The following GSE1 variants were observed in gnomAD, a reference collection of about 807,000 sequenced individuals.
GSE1 encodes the protein genetic suppressor element 1.
GSE1 carries 32 observed loss-of-function variants against 112.6 expected under a neutral mutation model. The observed-to-expected ratio is 0.28, with a 90% CI of 0.21 to 0.38. GSE1 has a LOEUF of 0.38. Ranked by LOEUF, GSE1 falls within the 10% of genes least tolerant of loss-of-function variation. The probability of loss-of-function intolerance (pLI) is 1.00; values close to 1 mark genes in which losing one functional copy is unlikely to be tolerated. For missense variants in GSE1, 2,348 were observed against 1,699.2 expected, an observed-to-expected ratio of 1.38 and a Z score of -6.71; for synonymous variants, 1,115 against 735.6, an observed-to-expected ratio of 1.52 and a Z score of -8.35.
chr16:85,179,691 G>C (rs965963195), intron 1 of GSE1, among the ~76,000 whole-genome samples: 2 of 152,140 alleles, frequency 1.3e-5, no homozygotes, highest in Non-Finnish European at 2.9e-5. Context: ...TCTTACTCCT[G>C]GTCTTCAGGC....
intron 2 of GSE1, among the ~76,000 whole-genome samples, chr16:85,524,812 C>G (rs1231586069): frequency 6.6e-6 from 1 of 152,092 alleles, no homozygotes; most frequent in African/African-American, 2.4e-5. Flanking sequence ...CATTTACACC[C>G]TAGGGAAACT....
rs779228291 is a variant in GSE1 at position 85,663,132 on chromosome 16, G to C, written c.2373+39G>C. On this transcript the variant is annotated intron_variant, in intron 10 of 15. Transcript: ENST00000253458. ...CTCCCCACGGACATGCTCTGGGCTG[G>C]GCTCTCGTTCCTAGCGTCCACACCC... 4.9e-6 allele frequency: 7 copies of C among 1,433,114 alleles called. No individual in the cohort carries two copies. The East Asian group carries it at 1.4e-4, about 28-fold the overall frequency. The allele number at this position is 1,433,114 out of a possible 1,614,324, so 88.8% of individuals were successfully genotyped here.
chr16:85,631,577 C>CCTGCCTGCTGGGACTGGCAT (rs556638248), intron 1 of GSE1, among the ~76,000 whole-genome samples: 8 of 152,370 alleles, frequency 5.3e-5, no homozygotes, highest in South Asian at 4.1e-4. Context: ...GGCTGGACCC[C>CCTGCCTGCTGGGACTGGCAT]CTGCCTGCTG....
chr16:85,370,614 TC>T (rs2047275792), intron 2 of GSE1, among the ~76,000 whole-genome samples: 1 of 4,904 alleles, frequency 2.0e-4, no homozygotes, highest in African/African-American at 3.4e-4. Flanking sequence ...CCTCCCTCCT[TC>T]TCTCCCTCCC....
intron 1 of GSE1, among the ~76,000 whole-genome samples, chr16:85,584,153 C>T (rs548611004): frequency 1.3e-5 from 2 of 150,704 alleles, no homozygotes; most frequent in Admixed American, 6.6e-5. Context: ...GCGTGCGTGC[C>T]GGTGCGTGGG....
chr16:85,511,913 T>C (rs1426453805), intron 2 of GSE1, among the ~76,000 whole-genome samples: 6 of 152,078 alleles, frequency 3.9e-5, no homozygotes, highest in African/African-American at 1.2e-4. Flanking sequence ...AGAGAAGCTA[T>C]TCTGTTGTTT....
chr16:85,274,691 C>T lies in GSE1; in HGVS notation c.2284-82772C>T, dbSNP rs375743562. On this transcript the variant is annotated intron_variant, in intron 1 of 2. Coordinates refer to the GSE1 transcript ENST00000637419. ...GCTAACAGGGCTTAGGTGCCTGTCC[C>T]CCTCTCGCCAGTGGGAGGAACCAAA... Among the ~76,000 whole-genome samples, 73 of 152,320 alleles carry T rather than the reference C, an allele frequency of 4.8e-4. 1 individual carries two copies. The highest frequency in any genetic ancestry group is 1.8e-3 in the African/African-American group (73 of 41,568).
intron 1 of GSE1, among the ~76,000 whole-genome samples, chr16:85,563,337 A>C (rs1325776367): frequency 6.6e-6 from 1 of 152,178 alleles, no homozygotes; most frequent in African/African-American, 2.4e-5. Flanking sequence ...TTGGGGTAAA[A>C]GGAAAAAAAA....
chr16:85,443,735 A>C (rs1179228676), intron 2 of GSE1, among the ~76,000 whole-genome samples: 1 of 152,174 alleles, frequency 6.6e-6, no homozygotes, highest in Non-Finnish European at 1.5e-5. Flanking sequence ...AGAGGGGCCT[A>C]GCGTTTGGCT....
intron 2 of GSE1, among the ~76,000 whole-genome samples, chr16:85,500,998 G>GTTTTTTTTTTTTTTTTTT (rs55650214): frequency 1.5e-5 from 1 of 64,826 alleles, no homozygotes. Context: ...GGCCTGTTCT[G>GTTTTTTTTTTTTTTTTTT]TTTTTTTTTT....
chr16:85,608,524 C>T (rs1184679773), upstream of GSE1, among the ~76,000 whole-genome samples: 1 of 152,098 alleles, frequency 6.6e-6, no homozygotes, highest in Admixed American at 6.5e-5. Flanking sequence ...CGCTTGAGAC[C>T]TGTCGTACCC....
intron 1 of GSE1, among the ~76,000 whole-genome samples, chr16:85,600,605 C>T (rs1567633577): frequency 6.6e-6 from 1 of 151,938 alleles, no homozygotes; most frequent in African/African-American, 2.4e-5. Context: ...CACACACACA[C>T]ACACACCCCA....
chr16:85,638,570 G>A (rs920550818), intron 2 of GSE1, among the ~76,000 whole-genome samples: 3 of 152,164 alleles, frequency 2.0e-5, no homozygotes, highest in African/African-American at 4.8e-5. Context: ...CTCATGAATC[G>A]TGGGGACTGG....
rs772211252 is a variant in GSE1, at chr16:85,656,435, G to A, written c.1082G>A (p.Arg361His). The change falls in exon 7 of 16, where the codon CGT becomes CAT. Residue 361 changes from arginine to histidine, a missense_variant. By Grantham distance (29) the Arg-to-His change is conservative. Transcript: ENST00000253458. Reference sequence around the variant, plus strand: ...GCTGACCGCGAGCGGGAGAAGGAACGTGAGCGCGAACGCGAGAAGGAGCGC... The same window carrying A: ...GCTGACCGCGAGCGGGAGAAGGAACATGAGCGCGAACGCGAGAAGGAGCGC... ...READREREKE[R>H]EREREKEREQ... 15 of 1,566,962 alleles carry A rather than the reference G, an allele frequency of 9.6e-6. No individual in the cohort carries two copies. The highest frequency in any genetic ancestry group is 9.2e-5 in the East Asian group (4 of 43,488).
chr16:85,271,170 C>T (rs562822316), intron 1 of GSE1, among the ~76,000 whole-genome samples: 1 of 152,092 alleles, frequency 6.6e-6, no homozygotes, highest in Non-Finnish European at 1.5e-5. Context: ...TATAAATATC[C>T]CAGATCCCTC....
chr16:85,547,422 C>T (rs566105160), intron 2 of GSE1, among the ~76,000 whole-genome samples: 2 of 152,250 alleles, frequency 1.3e-5, no homozygotes, highest in African/African-American at 4.8e-5. Flanking sequence ...GTGGCCATAT[C>T]ACGCCAATTT....
rs1333742330 is a variant in GSE1 at position 85,404,135 on chromosome 16, CT to C, written c.2464+46493del. Among the ~76,000 whole-genome samples, 825 of 112,790 alleles carry C rather than the reference CT, an allele frequency of 7.3e-3. 9 individuals are homozygous for C. Among genetic ancestry groups the C allele is most frequent in the Non-Finnish European group, 0.012 (621 of 52,042 alleles). The allele number at this position is 112,790 out of a possible 152,430, so 74.0% of individuals were successfully genotyped here. A position where few individuals can be genotyped will look rare whatever the true frequency, so the allele number is the denominator to read the frequency against. On this transcript the variant is annotated intron_variant, in intron 2 of 2. Coordinates refer to the GSE1 transcript ENST00000637419. ...CCTCACTGTTACACTCAGGGCCCCC[CT>C]GGATAATCCACACCGTTACACTCAG...
chr16:85,209,605 C>T (rs963399477), intron 1 of GSE1, among the ~76,000 whole-genome samples: 9 of 152,222 alleles, frequency 5.9e-5, no homozygotes, highest in African/African-American at 1.4e-4. Flanking sequence ...ACCGGCCTCC[C>T]GCGGCCAGCC....
intron 1 of GSE1, among the ~76,000 whole-genome samples, chr16:85,574,755 T>G (rs1455035385): frequency 6.6e-6 from 1 of 152,194 alleles, no homozygotes; most frequent in African/African-American, 2.4e-5. Context: ...ATTTGGCTGG[T>G]CTCCTCCTGT....
Sources: gnomAD v4.1 joint callset for allele counts (sites outside exome capture counted in the v4.1 genomes callset) on GRCh38, gnomAD v4.1.1 for gene constraint, MANE v1.5 for transcripts, NCBI Gene and HGNC (gene_info 2026-07-23, HGNC 2026-07-21) for gene names.